SLC16A9: variants seen among roughly 807,000 people sequenced by gnomAD.
SLC16A9 encodes monocarboxylate transporter 9.
SLC16A9 carries 26 observed loss-of-function variants against 44.3 expected under a neutral mutation model. That is an observed-to-expected ratio of 0.59 (90% CI 0.43 to 0.81). The LOEUF (loss-of-function observed/expected upper bound fraction) is 0.81, where lower values mean the gene tolerates loss of function less well. SLC16A9 is among the 40% of genes least tolerant of loss of function. The probability of loss-of-function intolerance (pLI) is 0.00; values close to 1 mark genes in which losing one functional copy is unlikely to be tolerated. For missense variants in SLC16A9, 559 were observed against 595.8 expected, an observed-to-expected ratio of 0.94 and a Z score of 0.64; for synonymous variants, 230 against 225.1, an observed-to-expected ratio of 1.02 and a Z score of -0.19.
intron 2 of SLC16A9, among the ~76,000 whole-genome samples, chr10:59,681,278 T>C (rs1839979972): frequency 6.6e-6 from 1 of 151,874 alleles, no homozygotes; most frequent in African/African-American, 2.4e-5. Context: ...GCTAATACTA[T>C]ATAAACACTG....
At chr10:59,676,935 A>T (rs1025047065) in intron 2 of SLC16A9, among the ~76,000 whole-genome samples, 4 of 151,922 alleles carry the variant, frequency 2.6e-5, no homozygotes, top group Non-Finnish European at 5.9e-5. Flanking sequence ...AAAAAAAAAA[A>T]AAAAAAGTAA....
At chr10:59,667,392 A>G (rs1044445643) in intron 3 of SLC16A9, among the ~76,000 whole-genome samples, 8 of 152,228 alleles carry the variant, frequency 5.3e-5, no homozygotes, top group East Asian at 1.9e-4. Context: ...GCTGCCTTCT[A>G]TGAAACCAGA....
chr10:59,696,183 T>C (rs924603272), intron 1 of SLC16A9, among the ~76,000 whole-genome samples: 4 of 152,172 alleles, frequency 2.6e-5, no homozygotes, highest in African/African-American at 7.2e-5. Flanking sequence ...GCTGCCATCT[T>C]GGCTCACTGC....
chr10:59,676,899 G>A (rs1395778088), intron 2 of SLC16A9, among the ~76,000 whole-genome samples: 1 of 147,586 alleles, frequency 6.8e-6, no homozygotes, highest in Admixed American at 6.8e-5. Flanking sequence ...CTCCAGCCTG[G>A]GCAATGAGCA....
intron 1 of SLC16A9, among the ~76,000 whole-genome samples, chr10:59,694,608 C>G (rs184984837): frequency 6.6e-6 from 1 of 151,232 alleles, no homozygotes; most frequent in African/African-American, 2.4e-5. Flanking sequence ...TAAGACCAGC[C>G]TGGCCAACAT....
intron 1 of SLC16A9, among the ~76,000 whole-genome samples, chr10:59,705,567 C>T (rs1006365789): frequency 2.0e-5 from 3 of 152,098 alleles, no homozygotes; most frequent in Non-Finnish European, 2.9e-5. Flanking sequence ...AATGACTATA[C>T]ACTGCATATT....
intron 1 of SLC16A9, among the ~76,000 whole-genome samples, chr10:59,685,383 C>T (rs1377604521): frequency 6.6e-6 from 1 of 152,216 alleles, no homozygotes; most frequent in Non-Finnish European, 1.5e-5. Flanking sequence ...GCCTTATCTC[C>T]TCCACAGGTA....
rs575688316 is a variant in SLC16A9, at chr10:59,707,578, A to G, written c.-37+1901T>C. On this transcript the variant is annotated intron_variant, in intron 1 of 5. Coordinates refer to ENST00000395348, the MANE Select transcript of SLC16A9 (RefSeq NM_194298.3). ...AAGATGGTAGATTTGAAGTGTTCTC[A>G]CCACACCAAAAAAAAAAAAAAAACA... Among the ~76,000 whole-genome samples the G allele has an allele frequency of 6.7e-4, 50 of 74,534 alleles. 1 individual carries two copies. Among genetic ancestry groups the G allele is most frequent in the African/African-American group, 2.2e-3 (50 of 22,490 alleles). The allele number at this position is 74,534 out of a possible 152,430, so 48.9% of individuals were successfully genotyped here.
At chr10:59,678,540 C>CTTTTTTTTTTTTTTTTTTTTTTTTTT (rs1426559419) in intron 2 of SLC16A9, among the ~76,000 whole-genome samples, 1 of 22,342 alleles carries the variant, frequency 4.5e-5, no homozygotes, top group African/African-American at 9.7e-5. Flanking sequence ...TTTTCTTTTT[C>CTTTTTTTTTTTTTTTTTTTTTTTTTT]TTTTTCTTTT....
At chr10:59,695,683 T>C (rs1244762406) in intron 1 of SLC16A9, among the ~76,000 whole-genome samples, 1 of 152,162 alleles carries the variant, frequency 6.6e-6, no homozygotes, top group Non-Finnish European at 1.5e-5. Flanking sequence ...GCTTATTTCA[T>C]TGGTTATTAT....
intron 1 of SLC16A9, among the ~76,000 whole-genome samples, chr10:59,698,654 C>G (rs1368579217): frequency 5.3e-5 from 8 of 152,168 alleles, no homozygotes. Context: ...AACCTCTGGG[C>G]AGTCAGTGCC....
At chr10:59,677,921 A>G (rs149975866) in intron 2 of SLC16A9, among the ~76,000 whole-genome samples, 217 of 151,760 alleles carry the variant, frequency 1.4e-3, no homozygotes, top group African/African-American at 4.7e-3. Flanking sequence ...GTTTTAGGGT[A>G]CATGTGCACA....
At chr10:59,696,674 GC>G (rs1840385398) in intron 1 of SLC16A9, among the ~76,000 whole-genome samples, 1 of 150,498 alleles carries the variant, frequency 6.6e-6, no homozygotes. Flanking sequence ...TCTCTGCCCG[GC>G]CGCCCATCAT....
chr10:59,670,610 G>T (rs1037104135), intron 3 of SLC16A9, among the ~76,000 whole-genome samples: 1 of 152,168 alleles, frequency 6.6e-6, no homozygotes, highest in Non-Finnish European at 1.5e-5. Context: ...CCAGACAAAT[G>T]AAAGTCCTTA....
rs376779530 is a variant in SLC16A9, at chr10:59,707,965, C to A, written c.-37+1514G>T. Among the ~76,000 whole-genome samples, 7 of 152,294 alleles carry A rather than the reference C, an allele frequency of 4.6e-5. No homozygotes were observed. In the South Asian group the frequency reaches 1.2e-3, roughly 27 times the overall value. On this transcript the variant is annotated intron_variant, in intron 1 of 5. Transcript: ENST00000395348. ...TACCTCCCCATATCTTTGGCTCCTC[C>A]CAATGCTCTTCCTATGGATATGAAG...
chr10:59,659,780 C>T lies in SLC16A9; in HGVS notation c.436+4447G>A, dbSNP rs142495691. Reference sequence around the variant, plus strand: ...ACACTCCTCAGCAAATGGAAAAGAACGGAAATCATAACAAACAGTCTCTCA... The same window carrying T: ...ACACTCCTCAGCAAATGGAAAAGAATGGAAATCATAACAAACAGTCTCTCA... On this transcript the variant is annotated intron_variant, in intron 4 of 5. Coordinates refer to ENST00000395348, the MANE Select transcript of SLC16A9 (RefSeq NM_194298.3). Among the ~76,000 whole-genome samples the T allele has an allele frequency of 8.0e-4, 122 of 152,172 alleles. 2 individuals carry two copies. Among genetic ancestry groups the T allele is most frequent in the Non-Finnish European group, 1.4e-3 (98 of 68,000 alleles).
intron 1 of SLC16A9, among the ~76,000 whole-genome samples, chr10:59,693,049 T>A: frequency 6.6e-6 from 1 of 152,220 alleles, no homozygotes; most frequent in East Asian, 1.9e-4. Context: ...CCATACCACA[T>A]GTAATATTCT....
Position 59,688,951 on chromosome 10 carries a change from C to G in SLC16A9, c.-36-4624G>C, listed in dbSNP as rs148294414. On this transcript the variant is annotated intron_variant, in intron 1 of 5. Coordinates refer to ENST00000395348, the MANE Select transcript of SLC16A9 (RefSeq NM_194298.3). ...AAGTAGACAAAAATGCCTTTCTACA[C>G]CACACACCTCCGCCCTCCCTTGCAT... Among the ~76,000 whole-genome samples, 336 of 152,114 alleles carry G rather than the reference C, an allele frequency of 2.2e-3. 1 individual carries two copies. Among genetic ancestry groups the G allele is most frequent in the African/African-American group, 7.7e-3 (321 of 41,468 alleles).
Position 59,652,486 on chromosome 10 carries a change from G to T in SLC16A9, c.*286C>A. On this transcript the variant is annotated 3_prime_UTR_variant, in exon 6 of 6. Transcript: ENST00000395348. ...CTTTACACAGAGAAAGCCTTCTGAG[G>T]CTGGTCAAACTTTTTACAATGTTAA... 4.2e-6 allele frequency: 1 copy of T among 236,294 alleles called. No individual in the cohort carries two copies. Among genetic ancestry groups the T allele is most frequent in the South Asian group, 1.2e-4 (1 of 8,650 alleles). The allele number at this position is 236,294 out of a possible 1,614,324, so 14.6% of individuals were successfully genotyped here. A position where few individuals can be genotyped will look rare whatever the true frequency, so the allele number is the denominator to read the frequency against.
Sources: allele counts gnomAD v4.1 joint callset (sites outside exome capture counted in the v4.1 genomes callset), GRCh38; gene constraint gnomAD v4.1.1; transcripts MANE v1.5; gene names NCBI Gene and HGNC (gene_info 2026-07-23, HGNC 2026-07-21).